Variants in TAF4B observed in about 807,000 individuals in gnomAD.
TAF4B encodes the protein TATA-box binding protein associated factor 4b.
Under a neutral mutation model 86.4 loss-of-function variants are expected in TAF4B, and 38 were observed. That is an observed-to-expected ratio of 0.44 (90% confidence interval 0.34 to 0.58). The LOEUF (loss-of-function observed/expected upper bound fraction) is 0.58. Among genes scored for constraint, TAF4B ranks in the 20% least tolerant of loss-of-function variants. TAF4B has a pLI of 0.02. For synonymous variants in TAF4B, 388 were observed against 391.2 expected, an observed-to-expected ratio of 0.99 and a Z score of 0.10; for missense variants, 988 against 1,027.6, an observed-to-expected ratio of 0.96 and a Z score of 0.53.
At chr18:26,244,234 G>A (rs1349900840) in intron 1 of TAF4B, among the ~76,000 whole-genome samples, 3 of 152,174 alleles carry the variant, frequency 2.0e-5, no homozygotes, top group Non-Finnish European at 1.5e-5. Context: ...CCCAGTTCAA[G>A]CTCCCCGCCA....
At chr18:26,229,465 T>C (rs1285826521) in intron 1 of TAF4B, among the ~76,000 whole-genome samples, 2 of 151,670 alleles carry the variant, frequency 1.3e-5, no homozygotes, top group Admixed American at 1.3e-4. Context: ...ATGAATCTTA[T>C]ACTATTTCTT....
chr18:26,255,564 T>C (rs1453166795), intron 1 of TAF4B: 3 of 575,722 alleles, frequency 5.2e-6, no homozygotes, highest in Non-Finnish European at 8.9e-6. Flanking sequence ...ATCACGCCAC[T>C]GCACTCCAGC....
chr18:26,309,662 A>G (rs1350528905), intron 9 of TAF4B, among the ~76,000 whole-genome samples: 1 of 152,064 alleles, frequency 6.6e-6, no homozygotes, highest in Non-Finnish European at 1.5e-5. Context: ...TTATTTTTCA[A>G]TGAATAAATA....
intron 13 of TAF4B, among the ~76,000 whole-genome samples, chr18:26,343,263 A>C (rs2057150236): frequency 6.6e-6 from 1 of 152,206 alleles, no homozygotes. Flanking sequence ...CCAGGGAACC[A>C]GAAATTACTG....
intron 8 of TAF4B, among the ~76,000 whole-genome samples, chr18:26,292,647 G>A (rs532912073): frequency 1.6e-4 from 24 of 152,110 alleles, no homozygotes; most frequent in Non-Finnish European, 2.6e-4. Context: ...CTCACCCTCC[G>A]GAGTAGCTGG....
At chr18:26,362,584 G>A (rs1207346131) in intron 14 of TAF4B, among the ~76,000 whole-genome samples, 1 of 152,148 alleles carries the variant, frequency 6.6e-6, no homozygotes, top group Non-Finnish European at 1.5e-5. Flanking sequence ...TGTGCTGTTT[G>A]TGTTCAAAAC....
At chr18:26,235,710 C>T (rs558569664) in intron 1 of TAF4B, among the ~76,000 whole-genome samples, 21 of 152,294 alleles carry the variant, frequency 1.4e-4, no homozygotes, top group African/African-American at 4.8e-4. Context: ...AACTGAGAGT[C>T]AGAGTGCAGG....
intron 14 of TAF4B, among the ~76,000 whole-genome samples, chr18:26,377,776 A>G (rs1482637764): frequency 6.6e-6 from 1 of 152,168 alleles, no homozygotes; most frequent in Non-Finnish European, 1.5e-5. Flanking sequence ...TAGTTTGCTA[A>G]TGTTATTGTG....
Position 26,293,472 on chromosome 18 carries a change from A to C in TAF4B, c.1773A>C (p.Ser591=). 1 of 1,597,494 alleles carries C rather than the reference A, an allele frequency of 6.3e-7. No individual in the cohort carries two copies. Among genetic ancestry groups the C allele is most frequent in the Non-Finnish European group, 8.5e-7 (1 of 1,175,708 alleles). Residue 591 remains serine (S), a synonymous_variant, in exon 9 of 15, where the codon TCA becomes TCC. Coordinates refer to ENST00000269142, the MANE Select transcript of TAF4B (RefSeq NM_005640.3). ...CTCTGCCTGGAAATAAAATTCTGTCACTTCAAGCATCTCCTACTCAGAAAA... is the reference window on the plus strand; with the variant it reads ...CTCTGCCTGGAAATAAAATTCTGTCCCTTCAAGCATCTCCTACTCAGAAAA... ...QITLPGNKIL[S]LQASPTQKNR... is the part of the protein sequence containing the mutation.
intron 13 of TAF4B, among the ~76,000 whole-genome samples, chr18:26,347,393 G>T (rs1468466611): frequency 6.6e-6 from 1 of 152,088 alleles, no homozygotes; most frequent in African/African-American, 2.4e-5. Flanking sequence ...ATGAAAGGAT[G>T]TGAAGCTATA....
intron 13 of TAF4B, among the ~76,000 whole-genome samples, chr18:26,338,470 A>AT (rs764826705): frequency 0.62 from 44,745 of 72,512 alleles, 14,200 homozygotes; most frequent in East Asian, 0.78. Flanking sequence ...AAGAACTAGA[A>AT]TTTTTTTTTT....
At chr18:26,289,549 T>C (rs2056567337) in intron 7 of TAF4B, among the ~76,000 whole-genome samples, 1 of 152,160 alleles carries the variant, frequency 6.6e-6, no homozygotes, top group South Asian at 2.1e-4. Context: ...TGCAGTGGCA[T>C]GAACATGGCT....
intron 14 of TAF4B, 113 bp from the exon 15 acceptor site, chr18:26,389,732 C>A: frequency 9.2e-7 from 1 of 1,089,570 alleles, no homozygotes; most frequent in Non-Finnish European, 1.3e-6. Context: ...ACATTATCTC[C>A]AGTACCTAAC....
rs908392893 is a variant in TAF4B, at chr18:26,283,728, C to A, written c.972+1668C>A. Among the ~76,000 whole-genome samples, 4 of 152,276 alleles carry A rather than the reference C, an allele frequency of 2.6e-5. No homozygotes were observed. The East Asian group carries it at 7.7e-4, about 29-fold the overall frequency. ...AAAGCTATGAAAGACCTAGCTTCCT[C>A]CAATAGAAGGTTGTTTTGTCTCCAT... is the stretch of plus-strand genomic sequence containing the variant. On this transcript the variant is annotated intron_variant, in intron 6 of 14. Transcript: ENST00000269142.
intron 9 of TAF4B, among the ~76,000 whole-genome samples, chr18:26,307,935 C>T (rs903526149): frequency 3.9e-5 from 6 of 152,086 alleles, no homozygotes; most frequent in African/African-American, 1.4e-4. Context: ...CGTGGCGAAA[C>T]TCCATCTCCA....
chr18:26,293,439 G>C lies in TAF4B; in HGVS notation c.1740G>C (p.Lys580Asn). The C allele has an allele frequency of 6.3e-7, 1 of 1,593,674 alleles. No individual in the cohort carries two copies. The highest frequency in any genetic ancestry group is 1.9e-5 in the Admixed American group (1 of 53,970). The part of the protein sequence containing the change: ...TSQFPPASIL[K>N]QITLPGNKIL... ...TTGTTTTTATAGCTTCCATTCTAAAGCAAATTACTCTGCCTGGAAATAAAA... is the reference window on the plus strand; with the variant it reads ...TTGTTTTTATAGCTTCCATTCTAAACCAAATTACTCTGCCTGGAAATAAAA... The change falls in exon 9 of 15, where the codon AAG becomes AAC. Residue 580 changes from lysine (K) to asparagine (N), a missense_variant. Around this residue, in one of 3 missense-constraint regions of TAF4B, gnomAD observed 747 missense variants for 737.9 expected, o/e 1.01. Coordinates refer to ENST00000269142, the MANE Select transcript of TAF4B (RefSeq NM_005640.3).
intron 6 of TAF4B, among the ~76,000 whole-genome samples, chr18:26,284,194 A>G (rs1323203182): frequency 6.6e-6 from 1 of 152,206 alleles, no homozygotes; most frequent in African/African-American, 2.4e-5. Context: ...AGCCTCTCCT[A>G]ACTTCATACT....
At chr18:26,242,884 C>CT (rs201057116) in intron 1 of TAF4B, among the ~76,000 whole-genome samples, 17,267 of 152,198 alleles carry the variant, frequency 0.11, 1,015 homozygotes, top group African/African-American at 0.15. Context: ...CTTGAAAATT[C>CT]TTTCTTTAAG....
At chr18:26,236,125 A>G (rs1023970032) in intron 1 of TAF4B, among the ~76,000 whole-genome samples, 2 of 152,198 alleles carry the variant, frequency 1.3e-5, no homozygotes, top group Non-Finnish European at 2.9e-5. Flanking sequence ...GGGACAACAA[A>G]TGGGTAACTT....
Sources: allele counts gnomAD v4.1 joint callset (sites outside exome capture counted in the v4.1 genomes callset), GRCh38; gene constraint gnomAD v4.1.1; regional missense constraint gnomAD v4.1.1; transcripts MANE v1.5; gene names NCBI Gene and HGNC (gene_info 2026-07-23, HGNC 2026-07-21).